SPATA6: variants seen among roughly 807,000 people sequenced by gnomAD.
The protein encoded by SPATA6 is spermatogenesis-associated protein 6.
Under a neutral mutation model 65.3 loss-of-function variants are expected in SPATA6, and 56 were observed. That is an observed-to-expected ratio of 0.86 (90% CI 0.69 to 1.07). SPATA6 has a LOEUF of 1.07. Among genes scored for constraint, SPATA6 ranks in the 50% least tolerant of loss-of-function variants. SPATA6 has a pLI of 0.00. For synonymous variants in SPATA6, 199 were observed against 213.2 expected (o/e 0.93, Z 0.58); for missense variants, 590 against 594.8 (o/e 0.99, Z 0.08).
chr1:48,406,920 C>G (rs1239671634), intron 5 of SPATA6, among the ~76,000 whole-genome samples: 1 of 152,186 alleles, frequency 6.6e-6, no homozygotes, highest in Admixed American at 6.5e-5. Context: ...GGAGCATAGC[C>G]TGGGACTTAC....
intron 11 of SPATA6, among the ~76,000 whole-genome samples, chr1:48,316,723 A>G (rs983462772): frequency 6.6e-6 from 1 of 152,254 alleles, no homozygotes; most frequent in Non-Finnish European, 1.5e-5. Flanking sequence ...AGCAAAAGAA[A>G]CTACCATCAG....
intron 11 of SPATA6, among the ~76,000 whole-genome samples, chr1:48,347,954 C>T (rs546798931): frequency 1.2e-4 from 18 of 152,068 alleles, no homozygotes; most frequent in African/African-American, 4.3e-4. Flanking sequence ...TTTCCAGCCC[C>T]CTGACCACCA....
chr1:48,276,982 A>C, the SPATA6 span, among the ~76,000 whole-genome samples: 1 of 151,610 alleles, frequency 6.6e-6, no homozygotes, highest in Non-Finnish European at 1.5e-5. Context: ...TAGGTCTCTA[A>C]GAACTTCCTT....
intron 3 of SPATA6, among the ~76,000 whole-genome samples, chr1:48,434,679 C>T (rs932084472): frequency 6.6e-6 from 1 of 151,968 alleles, no homozygotes; most frequent in Non-Finnish European, 1.5e-5. Flanking sequence ...GAGAGAACAT[C>T]TGTGGTGCAC....
At chr1:48,333,519 T>C (rs918712544) in intron 11 of SPATA6, among the ~76,000 whole-genome samples, 9 of 152,216 alleles carry the variant, frequency 5.9e-5, no homozygotes, top group Admixed American at 5.2e-4. Flanking sequence ...CTTTCATGTA[T>C]ACATATATCC....
At chr1:48,357,547 T>G (rs955625566) in intron 10 of SPATA6, among the ~76,000 whole-genome samples, 1 of 152,168 alleles carries the variant, frequency 6.6e-6, no homozygotes, top group South Asian at 2.1e-4. Context: ...AACTGTATGT[T>G]CTGTCATACA....
intron 3 of SPATA6, among the ~76,000 whole-genome samples, chr1:48,430,851 G>A (rs1447619670): frequency 1.3e-5 from 2 of 152,054 alleles, no homozygotes; most frequent in East Asian, 3.9e-4. Flanking sequence ...AGACAGTAAT[G>A]CAGAAAATGA....
the SPATA6 span, among the ~76,000 whole-genome samples, chr1:48,275,801 T>C: frequency 6.6e-6 from 1 of 152,136 alleles, no homozygotes; most frequent in Non-Finnish European, 1.5e-5. Flanking sequence ...TTTCTTTTTT[T>C]GTTGTGCCTC....
At chr1:48,404,796 T>A (rs991526294) in intron 5 of SPATA6, among the ~76,000 whole-genome samples, 1 of 152,220 alleles carries the variant, frequency 6.6e-6, no homozygotes, top group African/African-American at 2.4e-5. Flanking sequence ...TGGCTTATAT[T>A]TCTAACATTT....
Position 48,371,156 on chromosome 1 carries a change from G to A in SPATA6, c.910-11386C>T, listed in dbSNP as rs190545206. Among the ~76,000 whole-genome samples, 176 of 152,118 alleles carry A rather than the reference G, an allele frequency of 1.2e-3. 1 individual carries two copies. Among genetic ancestry groups the A allele is most frequent in the African/African-American group, 4.1e-3 (171 of 41,508 alleles). On this transcript the variant is annotated intron_variant, in intron 9 of 12. Coordinates refer to ENST00000371847, the MANE Select transcript of SPATA6 (RefSeq NM_019073.4). ...AGGCAGTTTATTCAAATAATACAAG[G>A]ATGGATTATCATTAGAAAATTTATC... is the stretch of plus-strand genomic sequence containing the variant.
downstream of SPATA6, among the ~76,000 whole-genome samples, chr1:48,291,165 G>A (rs1644764511): frequency 6.6e-6 from 1 of 152,278 alleles, no homozygotes; most frequent in South Asian, 2.1e-4. Flanking sequence ...CCCTGTGAGG[G>A]TCCTCGATTT....
chr1:48,268,790 T>C, the SPATA6 span, among the ~76,000 whole-genome samples: 5 of 152,154 alleles, frequency 3.3e-5, no homozygotes, highest in Admixed American at 6.5e-5. Flanking sequence ...ACTGAAATAA[T>C]GACACTAAGG....
chr1:48,396,965 AAGAC>A (rs1251144919), intron 7 of SPATA6, among the ~76,000 whole-genome samples: 4 of 151,736 alleles, frequency 2.6e-5, no homozygotes, highest in African/African-American at 9.7e-5. Flanking sequence ...ATTTTTTTAA[AAGAC>A]AGCCCACACA....
At chr1:48,363,024 A>C (rs1034237873) in intron 9 of SPATA6, among the ~76,000 whole-genome samples, 7 of 152,154 alleles carry the variant, frequency 4.6e-5, no homozygotes, top group African/African-American at 1.7e-4. Flanking sequence ...GTTACAATAC[A>C]GAATATAAGA....
At position 48,370,725 on chromosome 1, in the gene SPATA6, T is replaced by C. The variant is rs147526570; in HGVS notation, c.910-10955A>G. ...AGACGTTTTTATTATCTGTACTTTA[T>C]TGGTAAGAAAATAAAAGCAAAATCA... is the stretch of plus-strand genomic sequence containing the variant. On this transcript the variant is annotated intron_variant, in intron 9 of 12. Coordinates refer to ENST00000371847, the MANE Select transcript of SPATA6 (RefSeq NM_019073.4). Among the ~76,000 whole-genome samples the C allele has an allele frequency of 1.8e-3, 277 of 152,336 alleles. 1 individual carries two copies. The East Asian group carries it at 0.029, about 16-fold the overall frequency.
chr1:48,335,035 C>T (rs1037164608), intron 11 of SPATA6, among the ~76,000 whole-genome samples: 1 of 151,992 alleles, frequency 6.6e-6, no homozygotes, highest in African/African-American at 2.4e-5. Flanking sequence ...CCATTCACAA[C>T]TGCCACAAAA....
chr1:48,263,554 A>T, the SPATA6 span, among the ~76,000 whole-genome samples: 1 of 152,124 alleles, frequency 6.6e-6, no homozygotes, highest in Non-Finnish European at 1.5e-5. Context: ...GCCACTGCTT[A>T]ATTTTTCCCA....
At chr1:48,278,741 A>C in the SPATA6 span, among the ~76,000 whole-genome samples, 22 of 152,240 alleles carry the variant, frequency 1.4e-4, no homozygotes, top group Non-Finnish European at 5.9e-5. Flanking sequence ...GAATGGAACC[A>C]AGTTGGAAAA....
In SPATA6 at chr1:48,403,884, T is replaced by C. The variant is rs1204207926; in HGVS notation, c.406-2A>G. The C allele has an allele frequency of 6.2e-7, 1 of 1,602,288 alleles. No individual in the cohort carries two copies. The highest frequency in any genetic ancestry group is 8.5e-7 in the Non-Finnish European group (1 of 1,174,516). On this transcript the variant is annotated splice_acceptor_variant, in intron 5 of 12. Transcript: ENST00000371847. LOFTEE classifies it high-confidence loss of function. ...AAATTCCAGCCTTGGAGCATTTCCC[T>C]GAGAAGAAAAAAGAGGGTATTATTA...
Sources: gnomAD v4.1 joint callset for allele counts (sites outside exome capture counted in the v4.1 genomes callset) on GRCh38, gnomAD v4.1.1 for gene constraint, MANE v1.5 for transcripts, NCBI Gene and HGNC (gene_info 2026-07-23, HGNC 2026-07-21) for gene names.